Variants in PLXNA4 observed in about 807,000 individuals in gnomAD.
The protein encoded by PLXNA4 is plexin A4.
In PLXNA4, 44 loss-of-function variants were observed where a neutral mutation model predicts 191.8. That is an observed-to-expected ratio of 0.23 (90% CI 0.18 to 0.29). The LOEUF is 0.29. PLXNA4 is among the 10% of genes least tolerant of loss of function. The probability of loss-of-function intolerance (pLI) is 1.00; values close to 1 mark genes in which losing one functional copy is unlikely to be tolerated. For missense variants in PLXNA4, 1,800 were observed against 2,488.8 expected (o/e 0.72, Z 5.89); for synonymous variants, 1,082 against 1,009.5 (o/e 1.07, Z -1.36).
intron 2 of PLXNA4, among the ~76,000 whole-genome samples, chr7:132,637,305 C>T (rs1314495045): frequency 6.6e-6 from 1 of 152,142 alleles, no homozygotes; most frequent in Non-Finnish European, 1.5e-5. Context: ...TCCAAGCACC[C>T]CTTCACCTGC....
chr7:132,364,686 C>T (rs967058749), intron 3 of PLXNA4, among the ~76,000 whole-genome samples: 6 of 152,144 alleles, frequency 3.9e-5, no homozygotes, highest in South Asian at 2.1e-4. Flanking sequence ...ATACCCATTC[C>T]GTGGTCTTGC....
chr7:132,575,836 T>C (rs887651068), intron 1 of PLXNA4, among the ~76,000 whole-genome samples: 2 of 152,172 alleles, frequency 1.3e-5, no homozygotes, highest in Non-Finnish European at 2.9e-5. Context: ...GTCTGTTTCA[T>C]ATGCGCCGCC....
chr7:132,439,065 A>G (rs935701337), intron 3 of PLXNA4, among the ~76,000 whole-genome samples: 1 of 152,242 alleles, frequency 6.6e-6, no homozygotes, highest in Non-Finnish European at 1.5e-5. Flanking sequence ...TCCCTGGTTC[A>G]TTCAGCAGCC....
At chr7:132,294,047 T>A (rs1196929986) in intron 4 of PLXNA4, among the ~76,000 whole-genome samples, 1 of 152,234 alleles carries the variant, frequency 6.6e-6, no homozygotes, top group African/African-American at 2.4e-5. Context: ...GGAGTTTACA[T>A]TTTAAATGAG....
chr7:132,635,001 G>C (rs1196473653), intron 2 of PLXNA4, among the ~76,000 whole-genome samples: 2 of 151,962 alleles, frequency 1.3e-5, no homozygotes, highest in African/African-American at 2.4e-5. Context: ...GACTGGCCTA[G>C]CCTCCCAGCC....
intron 3 of PLXNA4, among the ~76,000 whole-genome samples, chr7:132,437,398 G>A (rs10257293): frequency 1.4e-3 from 216 of 152,250 alleles, no homozygotes; most frequent in African/African-American, 5.0e-3. Flanking sequence ...GACCACACGT[G>A]TGTGTGCATG....
intron 30 of PLXNA4, among the ~76,000 whole-genome samples, chr7:132,136,679 G>A (rs1332952502): frequency 6.6e-6 from 1 of 152,214 alleles, no homozygotes; most frequent in East Asian, 1.9e-4. Flanking sequence ...CCCAGAGAGT[G>A]ACAGTGCGTA....
intron 3 of PLXNA4, among the ~76,000 whole-genome samples, chr7:132,332,867 GA>G (rs537591833): frequency 0.073 from 7,217 of 98,510 alleles, 196 homozygotes; most frequent in Middle Eastern, 0.095. Context: ...CTCAAAAAAA[GA>G]AAAAAAAAAA....
rs949628256 is a variant in PLXNA4, at chr7:132,351,416, T to G, written c.1372-53194A>C. ...TATAAAGAATTGATTCAAAGTTCCA[T>G]AAAGCGGATTCAGTTTCCAGATTGT... On this transcript the variant is annotated intron_variant, in intron 3 of 31. Coordinates refer to ENST00000321063, the MANE Select transcript of PLXNA4 (RefSeq NM_020911.2). Among the ~76,000 whole-genome samples the G allele has an allele frequency of 9.2e-5, 14 of 152,328 alleles. No individual in the cohort carries two copies. In the South Asian group the frequency reaches 1.9e-3, roughly 20 times the overall value.
At chr7:132,475,466 A>G (rs1797087535) in intron 3 of PLXNA4, among the ~76,000 whole-genome samples, 1 of 152,128 alleles carries the variant, frequency 6.6e-6, no homozygotes, top group South Asian at 2.1e-4. Context: ...CCTGCCCGGT[A>G]TCTACCCTTG....
At chr7:132,396,343 C>T (rs1410075678) in intron 3 of PLXNA4, among the ~76,000 whole-genome samples, 4 of 152,162 alleles carry the variant, frequency 2.6e-5, no homozygotes, top group Non-Finnish European at 5.9e-5. Flanking sequence ...TATAAATTAA[C>T]TCTAATTTTC....
At chr7:132,131,563 T>C (rs926608949) in intron 31 of PLXNA4, among the ~76,000 whole-genome samples, 2 of 152,180 alleles carry the variant, frequency 1.3e-5, no homozygotes, top group Non-Finnish European at 2.9e-5. Context: ...GCTTTGGATT[T>C]CATGACCCAG....
chr7:132,452,372 G>C (rs1370966469), intron 3 of PLXNA4, among the ~76,000 whole-genome samples: 1 of 152,236 alleles, frequency 6.6e-6, no homozygotes, highest in Non-Finnish European at 1.5e-5. Flanking sequence ...GACCCAGGGA[G>C]CCTGTGGCAT....
intron 4 of PLXNA4, among the ~76,000 whole-genome samples, chr7:132,293,525 A>T (rs576834420): frequency 1.3e-5 from 2 of 152,310 alleles, no homozygotes; most frequent in South Asian, 4.2e-4. Context: ...ACAATGCAAG[A>T]TGAGATTTAG....
rs367604610 is a variant in PLXNA4 at position 132,189,766 on chromosome 7, C to A, written c.2857-2159G>T. On this transcript the variant is annotated intron_variant, in intron 14 of 31. Transcript: ENST00000321063. ...AGATGGGGGTTCTGTCCCTTCTCAA[C>A]CCCCTGCGGAGACTCATGGGGACCT... is the stretch of plus-strand genomic sequence containing the variant. Among the ~76,000 whole-genome samples, 4 of 152,106 alleles carry A rather than the reference C, an allele frequency of 2.6e-5. No homozygotes were observed. In the East Asian group the frequency reaches 5.8e-4, roughly 22 times the overall value.
At chr7:132,566,269 C>A (rs753910018) in intron 1 of PLXNA4, among the ~76,000 whole-genome samples, 15 of 152,010 alleles carry the variant, frequency 9.9e-5, no homozygotes, top group Non-Finnish European at 1.6e-4. Context: ...TTTACCCCAA[C>A]CCACATACAC....
chr7:132,298,959 G>T lies in PLXNA4; in HGVS notation c.1372-737C>A, dbSNP rs551989410. Among the ~76,000 whole-genome samples the T allele has an allele frequency of 1.0e-3, 154 of 152,346 alleles. 2 individuals are homozygous for T. Among genetic ancestry groups the T allele is most frequent in the African/African-American group, 3.6e-3 (149 of 41,588 alleles). Reference sequence around the variant, plus strand: ...ATGCTGGGACAGCATAGAGACAATGGAAAGAAGACTTCTGCCCACATGCCC... The same window carrying T: ...ATGCTGGGACAGCATAGAGACAATGTAAAGAAGACTTCTGCCCACATGCCC... On this transcript the variant is annotated intron_variant, in intron 3 of 31. Transcript: ENST00000321063.
chr7:132,486,891 C>A (rs1477918603), intron 3 of PLXNA4, among the ~76,000 whole-genome samples: 1 of 152,140 alleles, frequency 6.6e-6, no homozygotes, highest in Non-Finnish European at 1.5e-5. Flanking sequence ...GCCTTGCTGG[C>A]CCAGGCTCCT....
At chr7:132,630,692 T>C (rs1803476719) in intron 2 of PLXNA4, among the ~76,000 whole-genome samples, 2 of 152,016 alleles carry the variant, frequency 1.3e-5, no homozygotes, top group East Asian at 3.9e-4. Flanking sequence ...TTTGTATTTT[T>C]AGTAGAGATG....
Sources: gnomAD v4.1 joint callset for allele counts (sites outside exome capture counted in the v4.1 genomes callset) on GRCh38, gnomAD v4.1.1 for gene constraint, MANE v1.5 for transcripts, NCBI Gene and HGNC (gene_info 2026-07-23, HGNC 2026-07-21) for gene names.